DNAJC8: variants seen among roughly 807,000 people sequenced by gnomAD.
DNAJC8 encodes dnaJ homolog subfamily C member 8.
DNAJC8 carries 24 observed loss-of-function variants against 43.2 expected under a neutral mutation model. The observed-to-expected ratio is 0.56, with a 90% CI of 0.40 to 0.78. The LOEUF is 0.78. DNAJC8 is among the 30% of genes least tolerant of loss of function. The pLI is 0.00. For missense variants in DNAJC8, 207 were observed against 299.4 expected (o/e 0.69, Z 2.28); for synonymous variants, 83 against 98.0 (o/e 0.85, Z 0.90).
At chr1:28,207,201 C>T (rs1211638078) in intron 6 of DNAJC8, among the ~76,000 whole-genome samples, 1 of 151,648 alleles carries the variant, frequency 6.6e-6, no homozygotes, top group African/African-American at 2.4e-5. Context: ...AACATGATGA[C>T]ATCCCGTCTC....
At chr1:28,227,584 T>G (rs958092821) in intron 2 of DNAJC8, among the ~76,000 whole-genome samples, 3 of 151,824 alleles carry the variant, frequency 2.0e-5, no homozygotes, top group Admixed American at 2.0e-4. Context: ...AGTGAGACCC[T>G]GTCTCAAAAA....
At chr1:28,205,121 GA>G (rs777018345) in intron 7 of DNAJC8, 136 bp downstream of exon 7, 1 of 637,634 alleles carries the variant, frequency 1.6e-6, no homozygotes, top group Non-Finnish European at 2.6e-6. Context: ...TCAAAAGCTT[GA>G]CTGTTTTTAG....
At chr1:28,211,233 G>C (rs1169666314) in intron 3 of DNAJC8, among the ~76,000 whole-genome samples, 1 of 152,054 alleles carries the variant, frequency 6.6e-6, no homozygotes, top group Admixed American at 6.6e-5. Context: ...TAATAATTTG[G>C]GGGAGGAGGG....
intron 6 of DNAJC8, among the ~76,000 whole-genome samples, chr1:28,208,097 T>C (rs1426041537): frequency 6.6e-6 from 1 of 152,080 alleles, no homozygotes; most frequent in Non-Finnish European, 1.5e-5. Flanking sequence ...TCCCAGCTAC[T>C]TGGGAGGCTG....
At position 28,201,361 on chromosome 1, in the gene DNAJC8, C is replaced by G. The variant is rs1351832324; in HGVS notation, c.649G>C (p.Asp217His). The stretch of plus-strand genomic sequence containing the variant: ...TTTCGCCAGCTGTCCACACGACCAT[C>G]TCGACTTTCCTAAGTACAAAAGAAG... ...EWQKNFEESR[D>H]GRVDSWRNFQ... The change falls in exon 9 of 9, where the codon GAT (aspartate) becomes CAT (histidine). Residue 217 changes from aspartate (D) to histidine (H), a missense_variant. By Grantham distance (81) the Asp-to-His change is moderately conservative. This residue lies in a region of DNAJC8 where 159 missense variants were observed against 267.5 expected (regional missense o/e 0.59). Transcript: ENST00000263697. 6.2e-7 allele frequency: 1 copy of G among 1,613,978 alleles called. No individual in the cohort carries two copies. Among genetic ancestry groups the G allele is most frequent in the South Asian group, 1.1e-5 (1 of 91,068 alleles).
At chr1:28,221,211 C>T (rs1227462622) in intron 2 of DNAJC8, among the ~76,000 whole-genome samples, 3 of 151,832 alleles carry the variant, frequency 2.0e-5, no homozygotes, top group Non-Finnish European at 2.9e-5. Context: ...TGGTGGCGGG[C>T]GCCTGTAGTC....
chr1:28,223,721 A>AG (rs1442149247), intron 2 of DNAJC8, among the ~76,000 whole-genome samples: 1 of 151,532 alleles, frequency 6.6e-6, no homozygotes, highest in East Asian at 1.9e-4. Context: ...TACAAAAAAA[A>AG]AAAAAAGAAA....
rs1434793715 is a variant in DNAJC8, at chr1:28,210,526, G to A, written c.304+45C>T. ...CTAGGACAAGGAACAGTTAGGCCCT[G>A]CCATTCACAATCTAATACTCAGAAG... On this transcript the variant is annotated intron_variant, in intron 4 of 8. Coordinates refer to ENST00000263697, the MANE Select transcript of DNAJC8 (RefSeq NM_014280.3). The A allele has an allele frequency of 1.3e-6, 2 of 1,515,676 alleles. No homozygotes were observed. The highest frequency in any genetic ancestry group is 2.3e-5 in the South Asian group (2 of 88,670). The allele number at this position is 1,515,676 out of a possible 1,614,324, so 93.9% of individuals were successfully genotyped here. A position where few individuals can be genotyped will look rare whatever the true frequency, so the allele number is the denominator to read the frequency against.
At chr1:28,229,089 AATGTTCACTG>A in intron 1 of DNAJC8, 66 bp from the exon 2 acceptor site, 1 of 1,314,406 alleles carries the variant, frequency 7.6e-7, no homozygotes, top group Admixed American at 1.8e-5. Flanking sequence ...ATCTTAACAA[AATGTTCACTG>A]ATATGTTCAA....
chr1:28,222,609 C>T (rs183263526), intron 2 of DNAJC8, among the ~76,000 whole-genome samples: 84 of 151,840 alleles, frequency 5.5e-4, no homozygotes, highest in African/African-American at 1.8e-3. Context: ...CCTTCCCTTC[C>T]TAAGCAATAA....
chr1:28,217,486 G>A lies in DNAJC8; in HGVS notation c.181-2490C>T, dbSNP rs185366048. 1.3e-4 allele frequency among the ~76,000 whole-genome samples: 20 copies of A among 152,120 alleles called. No individual in the cohort carries two copies. The East Asian group carries it at 3.9e-3, about 29-fold the overall frequency. On this transcript the variant is annotated intron_variant, in intron 2 of 8. Transcript: ENST00000263697. ...AAATACAAAATTAGCCGGGCATGGT[G>A]GCGCATGAAAATGAGAATTTTCAAG...
At chr1:28,208,546 A>G (rs1646786748) in intron 5 of DNAJC8, 133 bp from the exon 6 acceptor site, 2 of 429,284 alleles carry the variant, frequency 4.7e-6, no homozygotes, top group South Asian at 8.0e-5. Context: ...AAAAAAAAAG[A>G]GCCCCTCCCC....
chr1:28,218,510 G>A (rs956480605), intron 2 of DNAJC8, among the ~76,000 whole-genome samples: 5 of 151,904 alleles, frequency 3.3e-5, no homozygotes, highest in African/African-American at 9.7e-5. Context: ...TCGAGCTCTG[G>A]GGCTCAAGTG....
chr1:28,218,089 C>T (rs1218730528), intron 2 of DNAJC8, among the ~76,000 whole-genome samples: 11 of 139,420 alleles, frequency 7.9e-5, no homozygotes, highest in Non-Finnish European at 1.1e-4. Context: ...CGGATGGTTT[C>T]TATTCTTTTT....
intron 6 of DNAJC8, 49 bp downstream of exon 6, chr1:28,208,293 G>C (rs746094380): frequency 1.4e-6 from 2 of 1,446,814 alleles, no homozygotes; most frequent in Admixed American, 1.9e-5. Context: ...CCACCAATTC[G>C]TAGACACAAT....
At chr1:28,202,279 CATT>C (rs1315892137) in intron 8 of DNAJC8, among the ~76,000 whole-genome samples, 3 of 151,974 alleles carry the variant, frequency 2.0e-5, no homozygotes, top group Non-Finnish European at 2.9e-5. Context: ...TTTTTGTTGT[CATT>C]GTTGTTGTCT....
At chr1:28,218,896 G>A (rs1348488300) in intron 2 of DNAJC8, among the ~76,000 whole-genome samples, 1 of 152,160 alleles carries the variant, frequency 6.6e-6, no homozygotes, top group African/African-American at 2.4e-5. Flanking sequence ...ACGAGGGACT[G>A]TAACTGTTCA....
Position 28,205,346 on chromosome 1 carries a change from T to C in DNAJC8, c.475A>G (p.Lys159Glu). ...ATTGTCTGTTTATATACAGCTTGTT[T>C]GAACTACAGGAAAATCAAGAACAAA... ...IVEEDDPELF[K>E]QAVYKQTMKL... The change falls in exon 7 of 9, where the codon AAA becomes GAA. Residue 159 changes from lysine to glutamate, a missense_variant. By Grantham distance (56) the Lys-to-Glu change is moderately conservative (BLOSUM62 1). This residue lies in a region of DNAJC8 where 159 missense variants were observed against 267.5 expected (regional missense o/e 0.59). Coordinates refer to ENST00000263697, the MANE Select transcript of DNAJC8 (RefSeq NM_014280.3). 6.2e-7 allele frequency: 1 copy of C among 1,604,804 alleles called. No individual in the cohort carries two copies. Among genetic ancestry groups the C allele is most frequent in the East Asian group, 2.2e-5 (1 of 44,838 alleles).
chr1:28,208,636 T>C (rs1020007777), intron 5 of DNAJC8: 1 of 323,856 alleles, frequency 3.1e-6, no homozygotes, highest in Non-Finnish European at 5.6e-6. Flanking sequence ...AAATCCAATC[T>C]ACCAGGAAGA....
Sources: gnomAD v4.1 joint callset for allele counts (sites outside exome capture counted in the v4.1 genomes callset) on GRCh38, gnomAD v4.1.1 for gene constraint, gnomAD v4.1.1 regional missense constraint, MANE v1.5 for transcripts, NCBI Gene and HGNC (gene_info 2026-07-23, HGNC 2026-07-21) for gene names.